The following AATK variants were observed in gnomAD, a reference collection of about 807,000 sequenced individuals.
AATK encodes the protein lemur tail kinase 1.
AATK carries 91 observed loss-of-function variants against 114.3 expected under a neutral mutation model. That is an observed-to-expected ratio of 0.80 (90% CI 0.67 to 0.95). AATK has a LOEUF of 0.95. AATK is among the 40% of genes least tolerant of loss of function. The pLI is 0.00. For synonymous variants in AATK, 1,075 were observed against 916.5 expected (o/e 1.17, Z -3.12); for missense variants, 2,176 against 1,965.2 (o/e 1.11, Z -2.03).
intron 1 of AATK, among the ~76,000 whole-genome samples, chr17:81,161,898 C>CCACCCCAGCCAGCT (rs2061432667): frequency 6.6e-6 from 1 of 152,186 alleles, no homozygotes; most frequent in Non-Finnish European, 1.5e-5. Context: ...AGCTGCCAGC[C>CCACCCCAGCCAGCT]CACCCCAGCC....
At chr17:81,137,278 T>C (rs1442462852) in intron 1 of AATK, among the ~76,000 whole-genome samples, 1 of 147,666 alleles carries the variant, frequency 6.8e-6, no homozygotes, top group African/African-American at 2.5e-5. Context: ...AAAAAAGGAA[T>C]TACTACCACC....
chr17:81,120,238 G>A lies in AATK; in HGVS notation c.3698C>T (p.Ser1233Phe). 3 of 1,593,414 alleles carry A rather than the reference G, an allele frequency of 1.9e-6. No individual in the cohort carries two copies. The East Asian group carries it at 6.8e-5, about 36-fold the overall frequency. The change falls in exon 11 of 14, where the codon TCC becomes TTC. Residue 1233 changes from serine (S) to phenylalanine (F), a missense_variant. By Grantham distance (155) the Ser-to-Phe change is radical. This residue lies in a region of AATK where 1,701 missense variants were observed against 1,394.7 expected (regional missense o/e 1.22). Transcript: ENST00000326724. ...EDLERKKKAV[S>F]FFDDVTVYLF... The stretch of plus-strand genomic sequence containing the variant: ...GTAGACGGTGACGTCGTCGAAGAAG[G>A]ACACGGCCTTCTTCTTGCGTTCCAG...
At chr17:81,133,193 G>T in intron 2 of AATK, 1 of 486,214 alleles carries the variant, frequency 2.1e-6, no homozygotes, top group Non-Finnish European at 4.2e-6. Flanking sequence ...ACTGGTTGAT[G>T]GGGCCTGTGG....
chr17:81,129,092 G>A (rs968082891), intron 3 of AATK, among the ~76,000 whole-genome samples: 2 of 152,186 alleles, frequency 1.3e-5, no homozygotes, highest in Non-Finnish European at 2.9e-5. Context: ...AGTGAGGCCC[G>A]GGACGAAGGG....
intron 1 of AATK, among the ~76,000 whole-genome samples, chr17:81,161,643 C>T (rs1337325106): frequency 6.6e-6 from 1 of 152,170 alleles, no homozygotes; most frequent in Non-Finnish European, 1.5e-5. Flanking sequence ...TCTCAGGAAC[C>T]TCCTGGAGCG....
Position 81,119,509 on chromosome 17 carries a change from G to A in AATK, c.3955C>T (p.Pro1319Ser). 4 of 1,559,468 alleles carry A rather than the reference G, an allele frequency of 2.6e-6. No homozygotes were observed. Among genetic ancestry groups the A allele is most frequent in the Non-Finnish European group, 3.5e-6 (4 of 1,155,464 alleles). ...GGCGCAGCCGGGGCGGGTGCGGCCG[G>A]GTCTAGGGCCATGGCGAAGGCTGCC... ...AKAAFAMALD[P>S]AAPAPAAPTP... Residue 1319 changes from proline to serine, a missense_variant, in exon 13 of 14, where the codon CCG (proline) becomes TCG (serine). Pro to Ser is a moderately conservative substitution (Grantham distance 74). This residue lies in a region of AATK where 1,701 missense variants were observed against 1,394.7 expected (regional missense o/e 1.22). Coordinates refer to ENST00000326724, the MANE Select transcript of AATK (RefSeq NM_001080395.3).
At chr17:81,162,701 G>A (rs2061440552) in intron 1 of AATK, among the ~76,000 whole-genome samples, 1 of 152,198 alleles carries the variant, frequency 6.6e-6, no homozygotes, top group Admixed American at 6.5e-5. Flanking sequence ...CATGAATGCT[G>A]ATAGAGCGAG....
chr17:81,123,469 GTACCA>G, intron 9 of AATK, 126 bp from the exon 10 acceptor site: 1 of 863,392 alleles, frequency 1.2e-6, no homozygotes, highest in Non-Finnish European at 1.6e-6. Context: ...CCGGGGCCTG[GTACCA>G]TACCAGCCGC....
At chr17:81,164,034 A>G (rs2061456375) in intron 1 of AATK, among the ~76,000 whole-genome samples, 1 of 152,240 alleles carries the variant, frequency 6.6e-6, no homozygotes, top group African/African-American at 2.4e-5. Flanking sequence ...GATGGCAAGG[A>G]GCCAGCCACA....
intron 1 of AATK, among the ~76,000 whole-genome samples, chr17:81,144,040 C>T (rs1598956576): frequency 6.6e-6 from 1 of 152,250 alleles, no homozygotes; most frequent in East Asian, 1.9e-4. Flanking sequence ...GGGTGGCCAG[C>T]ACATAAGGTG....
chr17:81,142,271 TTTCTTTTC>T (rs2061150598), intron 1 of AATK, among the ~76,000 whole-genome samples: 1 of 147,522 alleles, frequency 6.8e-6, no homozygotes, highest in African/African-American at 2.5e-5. Context: ...TTTTTTCTTT[TTTCTTTTC>T]TTTTTTTTTT....
At chr17:81,164,062 G>T (rs967601713) in intron 1 of AATK, among the ~76,000 whole-genome samples, 1 of 152,198 alleles carries the variant, frequency 6.6e-6, no homozygotes, top group Non-Finnish European at 1.5e-5. Context: ...GGAAGCTTGG[G>T]CCCTGGGGGT....
At chr17:81,142,991 A>AGCGTG (rs1375766534) in intron 1 of AATK, among the ~76,000 whole-genome samples, 1 of 152,236 alleles carries the variant, frequency 6.6e-6, no homozygotes, top group Non-Finnish European at 1.5e-5. Flanking sequence ...CTCCAGGCAC[A>AGCGTG]GCGTGGCCTG....
chr17:81,165,978 G>T lies in AATK; in HGVS notation c.15C>A (p.Phe5Leu), dbSNP rs1355041181. Residue 5 changes from phenylalanine to leucine, a missense_variant, in exon 1 of 14, where the codon TTC (phenylalanine) becomes TTA (leucine). Transcript: ENST00000326724. MSSS[F>L]FNPSFAFSSH... is the part of the protein sequence containing the mutation. ...AGCTGAAGGCGAAGCTGGGGTTGAA[G>T]AAGGACGACGACATGGCCGGGCCAG... 5.0e-6 allele frequency: 8 copies of T among 1,584,788 alleles called. No individual in the cohort carries two copies. The highest frequency in any genetic ancestry group is 6.9e-6 in the Non-Finnish European group (8 of 1,167,388).
intron 1 of AATK, among the ~76,000 whole-genome samples, chr17:81,145,459 A>G (rs2061203645): frequency 1.3e-5 from 2 of 151,382 alleles, no homozygotes; most frequent in Non-Finnish European, 3.0e-5. Flanking sequence ...CCGGCTGGGC[A>G]CAGTGGCTCA....
chr17:81,128,457 G>A lies in AATK; in HGVS notation c.414+13C>T. On this transcript the variant is annotated intron_variant, in intron 4 of 13. Transcript: ENST00000326724. ...CCCAGGCGGGAGTCCTCCCTCCCAGGCGGGACACGTACCTTCCCGAACCAG... is the reference window on the plus strand; with the variant it reads ...CCCAGGCGGGAGTCCTCCCTCCCAGACGGGACACGTACCTTCCCGAACCAG... The A allele has an allele frequency of 1.3e-6, 2 of 1,548,702 alleles. No individual in the cohort carries two copies. Among genetic ancestry groups the A allele is most frequent in the Non-Finnish European group, 1.7e-6 (2 of 1,146,788 alleles).
chr17:81,150,858 G>T (rs972444900), intron 1 of AATK, among the ~76,000 whole-genome samples: 8 of 152,206 alleles, frequency 5.3e-5, no homozygotes, highest in African/African-American at 1.9e-4. Context: ...AGGATCCCGT[G>T]CAGGAAGGAA....
In AATK at chr17:81,118,244, CCA is replaced by C; in HGVS notation, c.*156_*157del. The C allele has an allele frequency of 1.5e-6, 1 of 689,106 alleles. No individual in the cohort carries two copies. Among genetic ancestry groups the C allele is most frequent in the South Asian group, 1.9e-5 (1 of 53,188 alleles). 42.7% of individuals were successfully genotyped at this position (689,106 alleles called of 1,614,324 possible). A position where few individuals can be genotyped will look rare whatever the true frequency, so the allele number is the denominator to read the frequency against. On this transcript the variant is annotated 3_prime_UTR_variant, in exon 14 of 14. Transcript: ENST00000326724. Reference sequence around the variant, plus strand: ...GATCTACCATCCAGGGCCTCTCATCCCACGGGCTTCTCCAGGACACCGCGTGG... The same window carrying C: ...GATCTACCATCCAGGGCCTCTCATCCCGGGCTTCTCCAGGACACCGCGTGG...
chr17:81,127,922 A>G lies in AATK; in HGVS notation c.415-12T>C. 6.5e-7 allele frequency: 1 copy of G among 1,548,294 alleles called. No individual in the cohort carries two copies. Among genetic ancestry groups the G allele is most frequent in the Non-Finnish European group, 8.7e-7 (1 of 1,146,714 alleles). On this transcript the variant is annotated splice_polypyrimidine_tract_variant and intron_variant, in intron 4 of 13. Coordinates refer to ENST00000326724, the MANE Select transcript of AATK (RefSeq NM_001080395.3). ...TCCCCCAGGAACACCTGTGGGACAGACAGCATCACCCACGGCTGCTCCGCC... is the reference window on the plus strand; with the variant it reads ...TCCCCCAGGAACACCTGTGGGACAGGCAGCATCACCCACGGCTGCTCCGCC...
Sources: allele counts gnomAD v4.1 joint callset (sites outside exome capture counted in the v4.1 genomes callset), GRCh38; gene constraint gnomAD v4.1.1; regional missense constraint gnomAD v4.1.1; transcripts MANE v1.5; gene names NCBI Gene and HGNC (gene_info 2026-07-23, HGNC 2026-07-21).